IPO11: variants seen among roughly 807,000 people sequenced by gnomAD.
IPO11 encodes the protein importin-11.
IPO11 carries 66 observed loss-of-function variants against 143.2 expected under a neutral mutation model. The ratio of observed to expected loss-of-function variants is 0.46; its 90% CI spans 0.38 to 0.57. The LOEUF is 0.57. Among genes scored for constraint, IPO11 ranks in the 20% least tolerant of loss-of-function variants. IPO11 has a pLI of 0.00. For missense variants in IPO11, 1,026 were observed against 1,141.0 expected (o/e 0.90, Z 1.45); for synonymous variants, 385 against 377.8 (o/e 1.02, Z -0.22).
At chr5:62,576,145 C>A in intron 27 of IPO11, 1 of 155,852 alleles carries the variant, frequency 6.4e-6, no homozygotes, top group South Asian at 1.8e-4. Flanking sequence ...ATTTATTGCC[C>A]AAATAGAATT....
intron 1 of IPO11, among the ~76,000 whole-genome samples, chr5:62,432,552 T>G (rs1744031029): frequency 6.6e-6 from 1 of 152,248 alleles, no homozygotes; most frequent in South Asian, 2.1e-4. Flanking sequence ...AAGCCACAGA[T>G]TCTTACTGTT....
intron 20 of IPO11, among the ~76,000 whole-genome samples, chr5:62,518,494 A>G (rs1742101033): frequency 6.6e-6 from 1 of 151,802 alleles, no homozygotes; most frequent in South Asian, 2.1e-4. Flanking sequence ...CACACTTGTA[A>G]TCCCAGCTAT....
At chr5:62,422,700 A>T (rs1743559158) in intron 1 of IPO11, 1 of 152,138 alleles carries the variant, frequency 6.6e-6, no homozygotes, top group Non-Finnish European at 1.5e-5. Context: ...TTTTACTAAA[A>T]ACTCCCGGTG....
intron 28 of IPO11, among the ~76,000 whole-genome samples, chr5:62,600,714 C>T (rs1310878517): frequency 6.6e-6 from 1 of 152,180 alleles, no homozygotes; most frequent in Non-Finnish European, 1.5e-5. Context: ...AGCATTGCAG[C>T]CCCAGGTCAA....
At chr5:62,565,784 CT>C (rs1010674297) in intron 27 of IPO11, among the ~76,000 whole-genome samples, 1 of 151,604 alleles carries the variant, frequency 6.6e-6, no homozygotes, top group Non-Finnish European at 1.5e-5. Flanking sequence ...CCCTCACCCC[CT>C]ACCCCCCCAA....
rs539753572 is a variant in IPO11 at position 62,544,406 on chromosome 5, C to T, written c.2251-5961C>T. Among the ~76,000 whole-genome samples the T allele has an allele frequency of 1.1e-4, 16 of 152,270 alleles. No homozygotes were observed. The South Asian group carries it at 3.3e-3, about 32-fold the overall frequency. On this transcript the variant is annotated intron_variant, in intron 24 of 29. Coordinates refer to ENST00000325324, the MANE Select transcript of IPO11 (RefSeq NM_016338.5). ...AGGCCTTTGACAAAATTCAGCCCTT[C>T]ATGCTAAAAACCCTCAATAAATTCG...
intron 28 of IPO11, 40 bp downstream of exon 28, chr5:62,591,712 G>T (rs370348189): frequency 3.0e-6 from 4 of 1,322,090 alleles, no homozygotes; most frequent in Non-Finnish European, 4.3e-6. Context: ...GGACTTGGGG[G>T]ATAATTAAAT....
At chr5:62,459,296 A>G (rs1423449024) in intron 5 of IPO11, among the ~76,000 whole-genome samples, 4 of 152,126 alleles carry the variant, frequency 2.6e-5, no homozygotes, top group Admixed American at 2.0e-4. Context: ...ATTAGATTTT[A>G]CTTTAAAAAG....
intron 29 of IPO11, among the ~76,000 whole-genome samples, chr5:62,614,534 C>G (rs554471691): frequency 6.6e-5 from 10 of 152,198 alleles, no homozygotes; most frequent in Non-Finnish European, 1.5e-4. Context: ...ACCCGCCCCC[C>G]CTCACCCCGC....
chr5:62,436,546 G>T (rs1051254410), intron 1 of IPO11, among the ~76,000 whole-genome samples: 15 of 152,060 alleles, frequency 9.9e-5, no homozygotes, highest in Non-Finnish European at 2.1e-4. Context: ...CAATTTTGGG[G>T]GTGATTAGAA....
chr5:62,557,914 C>T (rs1743633157), intron 26 of IPO11, among the ~76,000 whole-genome samples: 1 of 152,220 alleles, frequency 6.6e-6, no homozygotes, highest in African/African-American at 2.4e-5. Flanking sequence ...CAGGCTTTTA[C>T]TTTTCAGTCT....
At chr5:62,436,089 C>T (rs1397248308) in intron 1 of IPO11, among the ~76,000 whole-genome samples, 4 of 152,128 alleles carry the variant, frequency 2.6e-5, no homozygotes, top group African/African-American at 9.7e-5. Context: ...TTTTCAGATT[C>T]TAGTTATTAG....
At chr5:62,471,614 T>C (rs1223265830) in intron 7 of IPO11, among the ~76,000 whole-genome samples, 1 of 152,212 alleles carries the variant, frequency 6.6e-6, no homozygotes, top group African/African-American at 2.4e-5. Flanking sequence ...TGGGATCATA[T>C]TTACATGTCG....
intron 26 of IPO11, among the ~76,000 whole-genome samples, chr5:62,555,661 G>A (rs935288751): frequency 4.0e-5 from 6 of 150,848 alleles, no homozygotes; most frequent in Admixed American, 6.6e-5. Context: ...CTGCCACCAC[G>A]CTCTGCTAAT....
At chr5:62,577,941 T>G (rs138966118) in intron 27 of IPO11, among the ~76,000 whole-genome samples, 4 of 152,142 alleles carry the variant, frequency 2.6e-5, no homozygotes, top group Non-Finnish European at 5.9e-5. Context: ...TAGCTTAAAG[T>G]TAATGAAAGA....
chr5:62,469,764 G>A lies in IPO11; in HGVS notation c.650-486G>A, dbSNP rs75595501. Among the ~76,000 whole-genome samples, 1,217 of 152,232 alleles carry A rather than the reference G, an allele frequency of 8.0e-3. 14 individuals are homozygous for A. Among genetic ancestry groups the A allele is most frequent in the African/African-American group, 0.028 (1,164 of 41,532 alleles). On this transcript the variant is annotated intron_variant, in intron 6 of 29. Coordinates refer to ENST00000325324, the MANE Select transcript of IPO11 (RefSeq NM_016338.5). ...TCTCTCTGTGTACACTAGTTTGTCA[G>A]TGTTACTCATGAAATGTCACAGTTG... is the stretch of plus-strand genomic sequence containing the variant.
chr5:62,515,130 T>G (rs1484505759), intron 19 of IPO11, among the ~76,000 whole-genome samples: 1 of 152,220 alleles, frequency 6.6e-6, no homozygotes, highest in Non-Finnish European at 1.5e-5. Flanking sequence ...TCTAAAGTGT[T>G]TTTTTATATT....
intron 29 of IPO11, among the ~76,000 whole-genome samples, chr5:62,621,610 C>T (rs1180393026): frequency 2.6e-5 from 4 of 152,132 alleles, no homozygotes; most frequent in Admixed American, 2.6e-4. Flanking sequence ...TGCCTCCTGT[C>T]TCTGTCAGTA....
intron 20 of IPO11, among the ~76,000 whole-genome samples, chr5:62,518,553 G>T: frequency 6.6e-6 from 1 of 152,120 alleles, no homozygotes; most frequent in African/African-American, 2.4e-5. Context: ...GGCAGAGGTT[G>T]CAGTGAGCCA....
Sources: gnomAD v4.1 joint callset for allele counts (sites outside exome capture counted in the v4.1 genomes callset) on GRCh38, gnomAD v4.1.1 for gene constraint, MANE v1.5 for transcripts, NCBI Gene and HGNC (gene_info 2026-07-23, HGNC 2026-07-21) for gene names.